The following CCDC30 variants were observed in gnomAD, a reference collection of about 807,000 sequenced individuals.
CCDC30 encodes coiled-coil domain containing 30.
Under a neutral mutation model 100.2 loss-of-function variants are expected in CCDC30, and 70 were observed. The ratio of observed to expected loss-of-function variants is 0.70; its 90% confidence interval spans 0.58 to 0.85. The LOEUF (loss-of-function observed/expected upper bound fraction) is 0.85. Among genes scored for constraint, CCDC30 ranks in the 40% least tolerant of loss-of-function variants. The pLI is 0.00. For synonymous variants in CCDC30, 233 were observed against 269.5 expected (o/e 0.86, Z 1.33); for missense variants, 652 against 771.2 (o/e 0.85, Z 1.83).
intron 1 of CCDC30, among the ~76,000 whole-genome samples, chr1:42,466,166 A>G (rs1231351987): frequency 1.3e-5 from 2 of 152,192 alleles, no homozygotes; most frequent in African/African-American, 4.8e-5. Context: ...AAGTCACCTG[A>G]CAGCATATTT....
At chr1:42,641,076 C>T (rs1468676186) in intron 12 of CCDC30, among the ~76,000 whole-genome samples, 1 of 151,840 alleles carries the variant, frequency 6.6e-6, no homozygotes, top group East Asian at 1.9e-4. Context: ...AGCAACAGAG[C>T]AAGACCCTGT....
At chr1:42,575,656 A>AAAAAAAAAAAG (rs973874190) in intron 7 of CCDC30, among the ~76,000 whole-genome samples, 3 of 150,914 alleles carry the variant, frequency 2.0e-5, no homozygotes, top group Non-Finnish European at 4.4e-5. Flanking sequence ...TCTCAAAAAA[A>AAAAAAAAAAAG]AAGAAGCAAA....
At chr1:42,475,101 T>G (rs147059179) in intron 1 of CCDC30, among the ~76,000 whole-genome samples, 121 of 152,126 alleles carry the variant, frequency 8.0e-4, no homozygotes, top group African/African-American at 2.7e-3. Context: ...AAAAAAATAT[T>G]AGAGATTGGG....
chr1:42,543,021 T>C (rs370295278), intron 6 of CCDC30, among the ~76,000 whole-genome samples: 1 of 152,344 alleles, frequency 6.6e-6, no homozygotes, highest in South Asian at 2.1e-4. Flanking sequence ...ACAAAAATAA[T>C]GCAAGCTCAT....
chr1:42,457,569 T>G, the CCDC30 span: 26 of 578,424 alleles, frequency 4.5e-5, no homozygotes, highest in Non-Finnish European at 7.4e-5. Flanking sequence ...CTAGTGGAGG[T>G]ATGTACAAAG....
intron 3 of CCDC30, 81 bp downstream of exon 3, chr1:42,482,897 A>C: frequency 2.2e-6 from 2 of 923,250 alleles, no homozygotes; most frequent in Admixed American, 8.6e-5. Context: ...ATGAGAAAAA[A>C]AAAAAACACT....
At chr1:42,591,683 G>A (rs1208435174) in intron 10 of CCDC30, 1 of 152,322 alleles carries the variant, frequency 6.6e-6, no homozygotes, top group Non-Finnish European at 1.5e-5. Context: ...TCCCCACTGG[G>A]GCACTGCCTA....
chr1:42,485,936 C>T (rs576000598), intron 3 of CCDC30, among the ~76,000 whole-genome samples: 7 of 152,204 alleles, frequency 4.6e-5, no homozygotes, highest in African/African-American at 7.2e-5. Flanking sequence ...CCACAATGAG[C>T]GTCTACTTCA....
chr1:42,652,302 C>G (rs1430185149), intron 15 of CCDC30, among the ~76,000 whole-genome samples: 1 of 152,044 alleles, frequency 6.6e-6, no homozygotes, highest in Non-Finnish European at 1.5e-5. Flanking sequence ...ATGCTGGTTA[C>G]CAGAGGCTGA....
In CCDC30 at chr1:42,596,915, C is replaced by CT. The variant is rs1383948082; in HGVS notation, c.1164+7432_1164+7433insT. Among the ~76,000 whole-genome samples the CT allele has an allele frequency of 6.6e-6, 1 of 151,988 alleles. No homozygotes were observed. The highest frequency in any genetic ancestry group is 1.5e-5 in the Non-Finnish European group (1 of 67,998). ...CACATGCAGGAAGAGATGGGCAATG[C>CT]AAGCAGAGAGAGGGAAATCCTAAGA... is the stretch of plus-strand genomic sequence containing the variant. On this transcript the variant is annotated intron_variant, in intron 10 of 16. Transcript: ENST00000668663. This position sits in a 1 kb window ranked among gnomAD's most constrained non-coding sequence, Gnocchi z 4.3.
chr1:42,650,230 C>T (rs752012310), intron 15 of CCDC30, among the ~76,000 whole-genome samples: 1 of 152,118 alleles, frequency 6.6e-6, no homozygotes, highest in Non-Finnish European at 1.5e-5. Context: ...GGCTTGTAAT[C>T]CCAGCACTGT....
intron 6 of CCDC30, among the ~76,000 whole-genome samples, chr1:42,514,546 G>A (rs1281623271): frequency 1.3e-5 from 2 of 152,144 alleles, no homozygotes; most frequent in Admixed American, 6.5e-5. Context: ...ATCTTCTTTG[G>A]TGAAAATTTT....
At chr1:42,615,444 C>T (rs1379552255) in intron 11 of CCDC30, among the ~76,000 whole-genome samples, 2 of 152,054 alleles carry the variant, frequency 1.3e-5, no homozygotes, top group African/African-American at 4.8e-5. Context: ...ATTACAGGCG[C>T]ACGCCACTAC....
chr1:42,514,182 T>G (rs1195414189), intron 6 of CCDC30, among the ~76,000 whole-genome samples: 1 of 152,240 alleles, frequency 6.6e-6, no homozygotes, highest in African/African-American at 2.4e-5. Context: ...TTGTGATTAT[T>G]ATGAATAATT....
chr1:42,509,991 C>G (rs1414236857), intron 6 of CCDC30: 1 of 904,568 alleles, frequency 1.1e-6, no homozygotes, highest in Admixed American at 6.2e-5. Context: ...TAACTTTTCC[C>G]AGTTTGGAGG....
intron 11 of CCDC30, among the ~76,000 whole-genome samples, chr1:42,626,075 T>C (rs1220104063): frequency 1.3e-5 from 2 of 152,186 alleles, no homozygotes; most frequent in Non-Finnish European, 2.9e-5. Flanking sequence ...TTATATCCTC[T>C]TGCTAAATTG....
chr1:42,565,528 C>G (rs957410157), intron 6 of CCDC30, among the ~76,000 whole-genome samples: 1 of 151,996 alleles, frequency 6.6e-6, no homozygotes, highest in African/African-American at 2.4e-5. Flanking sequence ...ATCAAAAAGA[C>G]AAAAGGTAAG....
At chr1:42,607,058 G>A (rs1408223776) in intron 10 of CCDC30, among the ~76,000 whole-genome samples, 1 of 152,144 alleles carries the variant, frequency 6.6e-6, no homozygotes, top group African/African-American at 2.4e-5. Flanking sequence ...TCAAGAAAAA[G>A]AGAAGTCATT....
At chr1:42,648,606 G>A (rs1648081789) in intron 15 of CCDC30, among the ~76,000 whole-genome samples, 2 of 152,066 alleles carry the variant, frequency 1.3e-5, no homozygotes. Flanking sequence ...GGAGGTGGAG[G>A]TTGCAGTGAG....
Sources: allele counts gnomAD v4.1 joint callset (sites outside exome capture counted in the v4.1 genomes callset), GRCh38; gene constraint gnomAD v4.1.1; non-coding constraint Gnocchi (gnomAD v3.1); transcripts MANE v1.5; gene names NCBI Gene and HGNC (gene_info 2026-07-23, HGNC 2026-07-21).